The following CEACAM5 variants were observed in gnomAD, a reference collection of about 807,000 sequenced individuals.
The protein encoded by CEACAM5 is cell adhesion molecule CEACAM5.
CEACAM5 carries 52 observed loss-of-function variants against 63.0 expected under a neutral mutation model. The observed-to-expected ratio is 0.83, with a 90% confidence interval of 0.66 to 1.04. CEACAM5 has a LOEUF of 1.04. Ranked by LOEUF, CEACAM5 falls within the 50% of genes least tolerant of loss-of-function variation. The pLI is 0.00. For synonymous variants in CEACAM5, 357 were observed against 351.3 expected (o/e 1.02, Z -0.18); for missense variants, 790 against 864.8 (o/e 0.91, Z 1.08).
rs143007313 is a variant in CEACAM5, at chr19:41,729,886, T to C, written c.*739T>C. 14 of 152,382 alleles carry C rather than the reference T, an allele frequency of 9.2e-5. No individual in the cohort carries two copies. The highest frequency in any genetic ancestry group is 6.2e-4 in the South Asian group (3 of 4,834). The allele number at this position is 152,382 out of a possible 1,614,324, so 9.4% of individuals were successfully genotyped here. On this transcript the variant is annotated 3_prime_UTR_variant, in exon 10 of 10. Transcript: ENST00000221992. ...TTTATATTGTATGGTAATATAGTTA[T>C]TGCACAAGTTCAATAAAAATCTGCT... is the stretch of plus-strand genomic sequence containing the variant.
intron 9 of CEACAM5, 54 bp downstream of exon 9, chr19:41,727,406 G>A: frequency 1.1e-6 from 1 of 886,788 alleles, no homozygotes; most frequent in Non-Finnish European, 1.8e-6. Flanking sequence ...TGACTGCCAT[G>A]CTTGGGAGAG....
intron 2 of CEACAM5, among the ~76,000 whole-genome samples, chr19:41,711,447 A>G (rs1264328871): frequency 2.0e-5 from 3 of 152,204 alleles, no homozygotes; most frequent in Non-Finnish European, 4.4e-5. Context: ...GGAATGATCC[A>G]TAACCTCTAT....
rs147844347 is a variant in CEACAM5 at position 41,723,045 on chromosome 19, C to G, written c.2026+1869C>G. 2.6e-3 allele frequency among the ~76,000 whole-genome samples: 394 copies of G among 151,972 alleles called. 2 individuals carry two copies. Among genetic ancestry groups the G allele is most frequent in the African/African-American group, 9.1e-3 (378 of 41,402 alleles). On this transcript the variant is annotated intron_variant, in intron 8 of 9. Transcript: ENST00000221992. Reference sequence around the variant, plus strand: ...GCCTCAGCCTCCCGAGTAGCTGGGACTACAGGTGCCCGCCAACAAGCTTGG... The same window carrying G: ...GCCTCAGCCTCCCGAGTAGCTGGGAGTACAGGTGCCCGCCAACAAGCTTGG...
At chr19:41,716,003 C>G (rs1438346250) in intron 4 of CEACAM5, 99 bp downstream of exon 4, 32 of 1,384,970 alleles carry the variant, frequency 2.3e-5, no homozygotes, top group Admixed American at 5.8e-5. Context: ...CAGCCTGTGT[C>G]CAGTGGGCAC....
In CEACAM5 at chr19:41,718,081, C is replaced by T. The variant is rs144850958; in HGVS notation, c.1238-47C>T. ...CCCTTTCACAGACCAGGAGCTTCCC[C>T]TTTGCTCTGATGACATTCACCTGTG... On this transcript the variant is annotated intron_variant, in intron 5 of 9. Coordinates refer to ENST00000221992, the MANE Select transcript of CEACAM5 (RefSeq NM_004363.6). 4,054 of 1,605,464 alleles carry T rather than the reference C, an allele frequency of 2.5e-3. 89 individuals are homozygous for T. In the African/African-American group the frequency reaches 0.046, roughly 18 times the overall value.
chr19:41,728,610 C>A (rs962492357), intron 9 of CEACAM5, among the ~76,000 whole-genome samples: 2 of 151,834 alleles, frequency 1.3e-5, no homozygotes, highest in African/African-American at 4.8e-5. Context: ...CATGGTGAAA[C>A]CCCCTCTCTA....
In CEACAM5 at chr19:41,715,403, C is replaced by A. The variant is rs139372432; in HGVS notation, c.703+154C>A. ...ACTTTCTGCCCCAGAAAAACCTGGG[C>A]AGACCAAGTCTTGACCAAGAATAGG... is the stretch of plus-strand genomic sequence containing the variant. On this transcript the variant is annotated intron_variant, in intron 3 of 9. Transcript: ENST00000221992. 3,715 of 1,278,322 alleles carry A rather than the reference C, an allele frequency of 2.9e-3. 77 individuals are homozygous for A. In the African/African-American group the frequency reaches 0.046, roughly 16 times the overall value. 79.2% of individuals were successfully genotyped at this position (1,278,322 alleles called of 1,614,324 possible). A position where few individuals can be genotyped will look rare whatever the true frequency, so the allele number is the denominator to read the frequency against.
intron 2 of CEACAM5, 35 bp downstream of exon 2, chr19:41,710,074 G>A (rs2072412147): frequency 7.6e-6 from 12 of 1,576,840 alleles, no homozygotes; most frequent in Admixed American, 1.8e-5. Flanking sequence ...GGGTGTTGGG[G>A]GTCAGTTCTA....
rs961497729 is a variant in CEACAM5, at chr19:41,727,260, G to A, written c.2053G>A (p.Ala685Thr). The part of the protein sequence containing the change: ...SASGTSPGLS[A>T]GATVGIMIGV... Reference sequence around the variant, plus strand: ...ATCTGGAACTTCTCCTGGTCTCTCAGCTGGGGCCACTGTCGGCATCATGAT... The same window carrying A: ...ATCTGGAACTTCTCCTGGTCTCTCAACTGGGGCCACTGTCGGCATCATGAT... The change falls in exon 9 of 10, where the codon GCT becomes ACT. Residue 685 changes from alanine (A) to threonine (T), a missense_variant. Coordinates refer to ENST00000221992, the MANE Select transcript of CEACAM5 (RefSeq NM_004363.6). 3 of 1,614,074 alleles carry A rather than the reference G, an allele frequency of 1.9e-6. No homozygotes were observed. Among genetic ancestry groups the A allele is most frequent in the Non-Finnish European group, 2.5e-6 (3 of 1,179,952 alleles).
intron 6 of CEACAM5, 66 bp from the exon 7 acceptor site, chr19:41,719,864 T>C (rs900046379): frequency 7.5e-6 from 12 of 1,601,508 alleles, no homozygotes; most frequent in African/African-American, 5.4e-5. Context: ...CCAACTCTGA[T>C]TGAAAGATGC....
chr19:41,715,943 G>A, intron 4 of CEACAM5, 39 bp downstream of exon 4: 2 of 1,596,886 alleles, frequency 1.3e-6, no homozygotes, highest in East Asian at 2.2e-5. Context: ...ATGTTTTGAG[G>A]TGGAGTCTGT....
At position 41,727,351 on chromosome 19, in the gene CEACAM5, T is replaced by A; in HGVS notation, c.*35T>A. The stretch of plus-strand genomic sequence containing the variant: ...TGTAGTTTCTTCATTTCAGGAAGAC[T>A]GGTAGGTATAATGGCCTTTCCTCTT... On this transcript the variant is annotated splice_region_variant and 3_prime_UTR_variant, in exon 9 of 10. Coordinates refer to ENST00000221992, the MANE Select transcript of CEACAM5 (RefSeq NM_004363.6). 1 of 1,439,408 alleles carries A rather than the reference T, an allele frequency of 6.9e-7. No homozygotes were observed. Among genetic ancestry groups the A allele is most frequent in the Non-Finnish European group, 9.8e-7 (1 of 1,021,992 alleles). The allele number at this position is 1,439,408 out of a possible 1,614,324, so 89.2% of individuals were successfully genotyped here.
intron 2 of CEACAM5, among the ~76,000 whole-genome samples, chr19:41,712,658 C>T (rs1292092712): frequency 6.6e-6 from 1 of 152,194 alleles, no homozygotes; most frequent in Non-Finnish European, 1.5e-5. Context: ...TTCAGGGAGT[C>T]ACTGATTTCA....
chr19:41,728,109 G>A (rs1487983824), intron 9 of CEACAM5, among the ~76,000 whole-genome samples: 1 of 152,182 alleles, frequency 6.6e-6, no homozygotes, highest in Non-Finnish European at 1.5e-5. Context: ...CTGTGCCTGT[G>A]ACTGAGAACC....
chr19:41,718,054 T>C, intron 5 of CEACAM5, 74 bp from the exon 6 acceptor site: 2 of 1,560,768 alleles, frequency 1.3e-6, no homozygotes, highest in Non-Finnish European at 8.7e-7. Context: ...GGGACACTGT[T>C]GCCCTTTCAC....
At position 41,727,360 on chromosome 19, in the gene CEACAM5, T is replaced by G. The variant is rs1555817263; in HGVS notation, c.*36+8T>G. 10 of 1,348,138 alleles carry G rather than the reference T, an allele frequency of 7.4e-6. No homozygotes were observed. The highest frequency in any genetic ancestry group is 1.8e-4 in the Middle Eastern group (1 of 5,506). 83.5% of individuals were successfully genotyped at this position (1,348,138 alleles called of 1,614,324 possible). A position where few individuals can be genotyped will look rare whatever the true frequency, so the allele number is the denominator to read the frequency against. On this transcript the variant is annotated splice_region_variant and intron_variant, in intron 9 of 9. Coordinates refer to ENST00000221992, the MANE Select transcript of CEACAM5 (RefSeq NM_004363.6). ...TTCATTTCAGGAAGACTGGTAGGTA[T>G]AATGGCCTTTCCTCTTGTTCTGTTT...
chr19:41,716,734 T>A (rs1158558213), intron 4 of CEACAM5, among the ~76,000 whole-genome samples: 1 of 152,228 alleles, frequency 6.6e-6, no homozygotes, highest in Non-Finnish European at 1.5e-5. Context: ...CGTGTGTTTA[T>A]ACAGATGGTA....
In CEACAM5 at chr19:41,715,102, C is replaced by T; in HGVS notation, c.556C>T (p.Pro186Ser). ...YLWWVNNQSL[P>S]VSPRLQLSNG... is the part of the protein sequence containing the mutation. ...GTGGTGGGTAAACAATCAGAGCCTC[C>T]CGGTCAGTCCCAGGCTGCAGCTGTC... The change falls in exon 3 of 10, where the codon CCG (proline) becomes TCG (serine). Residue 186 changes from proline to serine, a missense_variant. Pro to Ser is a moderately conservative substitution (Grantham distance 74). Transcript: ENST00000221992. The T allele has an allele frequency of 6.2e-7, 1 of 1,614,176 alleles. No homozygotes were observed. Among genetic ancestry groups the T allele is most frequent in the Non-Finnish European group, 8.5e-7 (1 of 1,180,030 alleles).
chr19:41,720,808 C>A, intron 7 of CEACAM5, 114 bp from the exon 8 acceptor site: 1 of 1,416,392 alleles, frequency 7.1e-7, no homozygotes, highest in Non-Finnish European at 9.7e-7. Context: ...CCGATTTGGA[C>A]TTTTTAACAC....
Sources: allele counts gnomAD v4.1 joint callset (sites outside exome capture counted in the v4.1 genomes callset), GRCh38; gene constraint gnomAD v4.1.1; transcripts MANE v1.5; gene names NCBI Gene and HGNC (gene_info 2026-07-23, HGNC 2026-07-21).